Variants in CRTAC1 observed in about 807,000 individuals in gnomAD.
CRTAC1 encodes cartilage acidic protein 1, also known as acidic secreted protein in cartilage.
In CRTAC1, 37 loss-of-function variants were observed where a neutral mutation model predicts 67.8. That is an observed-to-expected ratio of 0.55 (90% CI 0.42 to 0.72). CRTAC1 has a LOEUF of 0.72. Ranked by LOEUF, CRTAC1 falls within the 30% of genes least tolerant of loss-of-function variation. CRTAC1 has a pLI of 0.00. For synonymous variants in CRTAC1, 348 were observed against 371.0 expected (o/e 0.94, Z 0.71); for missense variants, 780 against 931.6 (o/e 0.84, Z 2.12).
At chr10:97,951,271 G>T (rs750920458) in intron 2 of CRTAC1, among the ~76,000 whole-genome samples, 3 of 152,178 alleles carry the variant, frequency 2.0e-5, no homozygotes, top group Non-Finnish European at 4.4e-5. Context: ...TGCAGCTAGT[G>T]GGGGTAGGAC....
At chr10:97,904,545 G>A in intron 7 of CRTAC1, 124 bp downstream of exon 7, 1 of 839,978 alleles carries the variant, frequency 1.2e-6, no homozygotes, top group Non-Finnish European at 1.7e-6. Context: ...TCAGCTACCG[G>A]AGTAGCTGGG....
chr10:97,901,700 C>G, intron 7 of CRTAC1, 61 bp from the exon 8 acceptor site: 1 of 1,599,220 alleles, frequency 6.3e-7, no homozygotes, highest in Non-Finnish European at 8.6e-7. Flanking sequence ...GAGGCCAGCT[C>G]TCCTCTATGG....
At chr10:97,925,966 A>G (rs1387851057) in intron 3 of CRTAC1, among the ~76,000 whole-genome samples, 4 of 152,202 alleles carry the variant, frequency 2.6e-5, no homozygotes, top group African/African-American at 9.7e-5. Context: ...CAGGACCCAC[A>G]GGAGCAGAAG....
chr10:97,995,226 G>A (rs1448678585), intron 2 of CRTAC1, among the ~76,000 whole-genome samples: 1 of 152,134 alleles, frequency 6.6e-6, no homozygotes, highest in Non-Finnish European at 1.5e-5. Context: ...AACAGTCCAA[G>A]GACCACAGTC....
Position 97,896,936 on chromosome 10 carries a change from C to G in CRTAC1, c.1189G>C (p.Ala397Pro), listed in dbSNP as rs762244136. The stretch of plus-strand genomic sequence containing the variant: ...GTGCCCCGGCCCTCAGGCTCCAAGG[C>G]GTCGCCGGGATTGAGCTCCTCGATG... ...PLIEELNPGD[A>P]LEPEGRGTGG... The change falls in exon 9 of 15, where the codon GCC becomes CCC. Residue 397 changes from alanine (A) to proline (P), a missense_variant. Physicochemically the swap from Ala to Pro is conservative, Grantham distance 27 (BLOSUM62 -1). Coordinates refer to ENST00000370597, the MANE Select transcript of CRTAC1 (RefSeq NM_018058.7). The G allele has an allele frequency of 1.3e-6, 2 of 1,559,584 alleles. No homozygotes were observed. Among genetic ancestry groups the G allele is most frequent in the Non-Finnish European group, 1.7e-6 (2 of 1,151,092 alleles).
rs972401835 is a variant in CRTAC1 at position 97,865,566 on chromosome 10, G to A, written c.1968C>T (p.Ser656=). The change falls in exon 15 of 15, where the codon AGC becomes AGT. Residue 656 remains serine, a synonymous_variant. Coordinates refer to ENST00000370597, the MANE Select transcript of CRTAC1 (RefSeq NM_018058.7). ...CCCCTGCTCAGCAGCTGGGCTCGCA[G>A]CTCTCCTTAACCACCGACCCCAGAT... The part of the protein sequence containing the change: ...DLNLGSVVKE[S]CEPSC 2.5e-6 allele frequency: 4 copies of A among 1,610,106 alleles called. No homozygotes were observed. Among genetic ancestry groups the A allele is most frequent in the Non-Finnish European group, 3.4e-6 (4 of 1,176,860 alleles).
At chr10:98,019,778 T>C (rs1479927293) in intron 1 of CRTAC1, among the ~76,000 whole-genome samples, 3 of 152,154 alleles carry the variant, frequency 2.0e-5, no homozygotes, top group African/African-American at 7.2e-5. Flanking sequence ...GGATAAGGTG[T>C]CAGCAAGCCC....
chr10:97,898,578 C>G (rs1028866560), intron 8 of CRTAC1, among the ~76,000 whole-genome samples: 28 of 152,170 alleles, frequency 1.8e-4, no homozygotes, highest in Non-Finnish European at 2.9e-5. Context: ...CGCAGCCAAG[C>G]TGGGCTATGT....
At chr10:97,923,819 A>G (rs2050875645) in intron 3 of CRTAC1, among the ~76,000 whole-genome samples, 1 of 152,162 alleles carries the variant, frequency 6.6e-6, no homozygotes, top group Non-Finnish European at 1.5e-5. Context: ...TCTCTACTGG[A>G]TCGCAGGACC....
intron 2 of CRTAC1, among the ~76,000 whole-genome samples, chr10:97,945,046 C>T (rs764645181): frequency 4.6e-5 from 7 of 152,174 alleles, no homozygotes; most frequent in Non-Finnish European, 8.8e-5. Context: ...TGTTTTTAAG[C>T]CCCTAAGTTT....
At chr10:97,997,017 T>C (rs1221244692) in intron 2 of CRTAC1, among the ~76,000 whole-genome samples, 3 of 133,292 alleles carry the variant, frequency 2.3e-5, no homozygotes, top group African/African-American at 8.6e-5. Flanking sequence ...TTCTCACTCA[T>C]AAGTGGGAAT....
intron 14 of CRTAC1, chr10:97,871,408 ATC>A (rs2050092112): frequency 1.3e-5 from 2 of 152,286 alleles, no homozygotes; most frequent in Admixed American, 1.3e-4. Context: ...ATAAATAATC[ATC>A]TGTTTCTCCA....
rs1360507430 is a variant in CRTAC1, at chr10:97,970,008, AAACTT to A, written c.225-33647_225-33643del. ...CTCTTGAATGTTTAATAGATATTTC[AAACTT>A]AACTTATCAAAAACTGAGCTCCCAG... On this transcript the variant is annotated intron_variant, in intron 2 of 14. Coordinates refer to ENST00000370597, the MANE Select transcript of CRTAC1 (RefSeq NM_018058.7). Among the ~76,000 whole-genome samples the A allele has an allele frequency of 5.3e-5, 8 of 152,132 alleles. No individual in the cohort carries two copies. In the East Asian group the frequency reaches 9.6e-4, roughly 18 times the overall value.
chr10:97,908,030 T>G lies in CRTAC1; in HGVS notation c.833A>C (p.Asp278Ala), dbSNP rs1404286894. Reference protein sequence around the residue: ...FHNRGDGTFVDAAASAGVDDP... With the variant: ...FHNRGDGTFVAAAASAGVDDP... ...CCACTCACCAGCACTGGCCGCAGCG[T>G]CCACAAAGGTGCCATCGCCCCGGTT... The change falls in exon 6 of 15, where the codon GAC becomes GCC. Residue 278 changes from aspartate to alanine, a missense_variant. Physicochemically the swap from Asp to Ala is moderately radical, Grantham distance 126. Coordinates refer to ENST00000370597, the MANE Select transcript of CRTAC1 (RefSeq NM_018058.7). 1.2e-6 allele frequency: 2 copies of G among 1,614,124 alleles called. No individual in the cohort carries two copies. The highest frequency in any genetic ancestry group is 1.7e-6 in the Non-Finnish European group (2 of 1,180,002).
chr10:97,972,653 A>G (rs910787679), intron 2 of CRTAC1, among the ~76,000 whole-genome samples: 2 of 152,256 alleles, frequency 1.3e-5, no homozygotes, highest in African/African-American at 4.8e-5. Flanking sequence ...TAGTAGCAAA[A>G]AATAAATCAG....
intron 9 of CRTAC1, 69 bp downstream of exon 9, chr10:97,896,837 TCCC>T: frequency 1.1e-5 from 3 of 284,634 alleles, no homozygotes; most frequent in Non-Finnish European, 1.5e-5. Flanking sequence ...GCCCCGTCCC[TCCC>T]GCCCTCACCC....
intron 2 of CRTAC1, among the ~76,000 whole-genome samples, chr10:97,977,062 T>A (rs2051817184): frequency 6.6e-6 from 1 of 152,230 alleles, no homozygotes; most frequent in Admixed American, 6.5e-5. Context: ...TGGAAGTATT[T>A]GCTAAGCATT....
intron 2 of CRTAC1, among the ~76,000 whole-genome samples, chr10:97,997,451 CAAA>C (rs746635057): frequency 2.3e-3 from 112 of 48,224 alleles, no homozygotes; most frequent in Non-Finnish European, 3.0e-3. Context: ...GACTCTGTCT[CAAA>C]AAAAAAAAAA....
At chr10:98,003,523 C>G (rs764002830) in intron 2 of CRTAC1, among the ~76,000 whole-genome samples, 1 of 152,208 alleles carries the variant, frequency 6.6e-6, no homozygotes, top group Non-Finnish European at 1.5e-5. Flanking sequence ...TGGGTTGAAT[C>G]CTTTTCACAC....
Sources: gnomAD v4.1 joint callset for allele counts (sites outside exome capture counted in the v4.1 genomes callset) on GRCh38, gnomAD v4.1.1 for gene constraint, MANE v1.5 for transcripts, NCBI Gene and HGNC (gene_info 2026-07-23, HGNC 2026-07-21) for gene names.